The following EFCAB8 variants were observed in gnomAD, a reference collection of about 807,000 sequenced individuals.
EFCAB8 encodes EF-hand calcium-binding domain-containing protein 8.
In EFCAB8, 100 loss-of-function variants were observed where a neutral mutation model predicts 116.3. The observed-to-expected ratio is 0.86, with a 90% CI of 0.73 to 1.02. The LOEUF is 1.02. EFCAB8 is among the 50% of genes least tolerant of loss of function. The pLI, the probability that EFCAB8 is intolerant of heterozygous loss-of-function variation, is 0.00. For missense variants in EFCAB8, 1,320 were observed against 1,416.9 expected, an observed-to-expected ratio of 0.93 and a Z score of 1.10; for synonymous variants, 558 against 567.9, an observed-to-expected ratio of 0.98 and a Z score of 0.25.
At chr20:32,886,734 AAAGGCTGAAGGGGACAGAGG>A (rs1176480688) in intron 6 of EFCAB8, among the ~76,000 whole-genome samples, 2 of 152,172 alleles carry the variant, frequency 1.3e-5, no homozygotes, top group African/African-American at 2.4e-5. Context: ...AAGCACCTCC[AAAGGCTGAAGGGGACAGAGG>A]AAGGCTCTCT....
chr20:32,922,048 T>G (rs888109358), intron 20 of EFCAB8, among the ~76,000 whole-genome samples: 35 of 152,050 alleles, frequency 2.3e-4, no homozygotes, highest in Non-Finnish European at 7.4e-5. Flanking sequence ...AGGCTGGTCT[T>G]GAACTCCTGA....
intron 5 of EFCAB8, among the ~76,000 whole-genome samples, chr20:32,884,860 A>G (rs1408395648): frequency 6.6e-6 from 1 of 152,188 alleles, no homozygotes; most frequent in East Asian, 1.9e-4. Context: ...CAATGGCCAG[A>G]TAGCTGGCTT....
chr20:32,899,990 C>T (rs1292249186), intron 11 of EFCAB8, among the ~76,000 whole-genome samples: 3 of 152,154 alleles, frequency 2.0e-5, no homozygotes, highest in African/African-American at 7.2e-5. Flanking sequence ...CAGTTTTCCT[C>T]CGGCCCCTAG....
chr20:32,874,276 ACAG>A (rs1984837576), intron 3 of EFCAB8, among the ~76,000 whole-genome samples: 1 of 152,090 alleles, frequency 6.6e-6, no homozygotes, highest in Non-Finnish European at 1.5e-5. Context: ...AGGCTACAGT[ACAG>A]TGGCAAGATC....
chr20:32,906,506 G>A, intron 11 of EFCAB8, 56 bp from the exon 12 acceptor site: 2 of 716,814 alleles, frequency 2.8e-6, no homozygotes, highest in South Asian at 1.5e-5. Context: ...AGTCTCAGAC[G>A]CTCTCTTGGG....
At chr20:32,873,194 C>G (rs1600367500) in intron 3 of EFCAB8, among the ~76,000 whole-genome samples, 1 of 152,038 alleles carries the variant, frequency 6.6e-6, no homozygotes, top group Non-Finnish European at 1.5e-5. Context: ...TCAGCAAGAA[C>G]CATGGAACTG....
rs1451650515 is a variant in EFCAB8 at position 32,915,454 on chromosome 20, A to G, written c.1857-1847A>G. Among the ~76,000 whole-genome samples the G allele has an allele frequency of 1.3e-5, 2 of 152,160 alleles. 1 individual carries two copies. The highest frequency in any genetic ancestry group is 3.8e-4 in the East Asian group (2 of 5,200). ...TCTAGTTTCCGATAACATGTTTCTC[A>G]TTTCTTCACCAGAGACTTCACCAGA... On this transcript the variant is annotated intron_variant, in intron 17 of 26. Coordinates refer to ENST00000400522, the MANE Select transcript of EFCAB8 (RefSeq NM_001143967.2).
chr20:32,948,982 G>A (rs1988712720), intron 23 of EFCAB8, among the ~76,000 whole-genome samples: 1 of 151,950 alleles, frequency 6.6e-6, no homozygotes. Context: ...TAGAAGAGTA[G>A]AGGGCAATTA....
intron 2 of EFCAB8, 77 bp from the exon 3 acceptor site, chr20:32,867,505 T>C (rs1406187555): frequency 6.8e-7 from 1 of 1,469,836 alleles, no homozygotes; most frequent in African/African-American, 1.4e-5. Context: ...AGAGTCTCTC[T>C]TTAAATCATG....
intron 7 of EFCAB8, among the ~76,000 whole-genome samples, chr20:32,890,820 T>C (rs1985874864): frequency 6.6e-6 from 1 of 152,238 alleles, no homozygotes; most frequent in Admixed American, 6.5e-5. Context: ...AGAGGTAAAA[T>C]GGGGCCTATG....
intron 17 of EFCAB8, among the ~76,000 whole-genome samples, chr20:32,915,382 A>G (rs1326212497): frequency 6.6e-6 from 1 of 152,230 alleles, no homozygotes; most frequent in East Asian, 1.9e-4. Flanking sequence ...GAACACAAAT[A>G]TAATTCAGCA....
At chr20:32,879,543 T>C (rs1409040663) in intron 5 of EFCAB8, among the ~76,000 whole-genome samples, 1 of 152,168 alleles carries the variant, frequency 6.6e-6, no homozygotes, top group East Asian at 1.9e-4. Flanking sequence ...TTATTTAATA[T>C]AAGTTTTACA....
At chr20:32,860,439 C>T (rs191059139) in intron 1 of EFCAB8, among the ~76,000 whole-genome samples, 3 of 147,542 alleles carry the variant, frequency 2.0e-5, no homozygotes, top group South Asian at 2.1e-4. Context: ...CTGCATGTAT[C>T]GGATCAGGAG....
At chr20:32,914,039 C>A (rs1233000117) in intron 17 of EFCAB8, among the ~76,000 whole-genome samples, 1 of 152,240 alleles carries the variant, frequency 6.6e-6, no homozygotes, top group Non-Finnish European at 1.5e-5. Context: ...CACTTCCCTG[C>A]ATGAGCCCCC....
At chr20:32,914,661 C>A (rs942338868) in intron 17 of EFCAB8, among the ~76,000 whole-genome samples, 1 of 152,108 alleles carries the variant, frequency 6.6e-6, no homozygotes, top group South Asian at 2.1e-4. Context: ...AGGGAAACTG[C>A]CACTTTTAAA....
intron 1 of EFCAB8, among the ~76,000 whole-genome samples, chr20:32,860,730 G>A (rs1438367033): frequency 6.6e-6 from 1 of 151,510 alleles, no homozygotes; most frequent in Non-Finnish European, 1.5e-5. Context: ...TCTGCATCTT[G>A]GTTTTTTTAT....
intron 20 of EFCAB8, among the ~76,000 whole-genome samples, chr20:32,928,824 A>C (rs1987773843): frequency 1.3e-5 from 2 of 151,808 alleles, no homozygotes; most frequent in South Asian, 4.2e-4. Flanking sequence ...TTTACTATTG[A>C]GTGTGATATT....
intron 5 of EFCAB8, among the ~76,000 whole-genome samples, chr20:32,880,361 C>T (rs1007190259): frequency 1.2e-4 from 19 of 152,052 alleles, no homozygotes; most frequent in Non-Finnish European, 2.2e-4. Flanking sequence ...CTCCGCCCCC[C>T]GGGTTCAAGC....
chr20:32,889,427 C>G lies in EFCAB8; in HGVS notation c.673+21C>G, dbSNP rs1406809821. 3.2e-6 allele frequency: 5 copies of G among 1,547,380 alleles called. No individual in the cohort carries two copies. In the East Asian group the frequency reaches 1.2e-4, roughly 38 times the overall value. On this transcript the variant is annotated intron_variant, in intron 7 of 26. Transcript: ENST00000400522. The stretch of plus-strand genomic sequence containing the variant: ...GATAGGTGAGTCCCTGGGGGCTTCC[C>G]AGCTCTGCTCTCAGCCACTGGGAGC...
Sources: allele counts gnomAD v4.1 joint callset (sites outside exome capture counted in the v4.1 genomes callset), GRCh38; gene constraint gnomAD v4.1.1; transcripts MANE v1.5; gene names NCBI Gene and HGNC (gene_info 2026-07-23, HGNC 2026-07-21).